The following FLT1 variants were observed in gnomAD, a reference collection of about 807,000 sequenced individuals.
The protein encoded by FLT1 is vascular endothelial growth factor receptor 1.
In FLT1, 49 loss-of-function variants were observed where a neutral mutation model predicts 156.3. The ratio of observed to expected loss-of-function variants is 0.31; its 90% CI spans 0.25 to 0.40. FLT1 has a LOEUF of 0.40. FLT1 is among the 10% of genes least tolerant of loss of function. The pLI, the probability that FLT1 is intolerant of heterozygous loss-of-function variation, is 1.00. For missense variants in FLT1, 1,322 were observed against 1,637.2 expected, an observed-to-expected ratio of 0.81 and a Z score of 3.32; for synonymous variants, 594 against 583.8, an observed-to-expected ratio of 1.02 and a Z score of -0.25.
chr13:28,388,480 A>C, intron 13 of FLT1: 4 of 1,039,598 alleles, frequency 3.8e-6, no homozygotes, highest in Non-Finnish European at 4.6e-6. Context: ...AGTTTATGCA[A>C]GTCACATATA....
rs2137449307 is a variant in FLT1 at position 28,384,885 on chromosome 13, C to T, written c.2116G>A (p.Gly706Arg). 1 of 1,613,972 alleles carries T rather than the reference C, an allele frequency of 6.2e-7. No individual in the cohort carries two copies. Among genetic ancestry groups the T allele is most frequent in the Non-Finnish European group, 8.5e-7 (1 of 1,179,904 alleles). The change falls in exon 14 of 30, where the codon GGA becomes AGA. Residue 706 changes from glycine to arginine, a missense_variant and splice_region_variant. Coordinates refer to ENST00000282397, the MANE Select transcript of FLT1 (RefSeq NM_002019.4). The stretch of plus-strand genomic sequence containing the variant: ...AATGGAAGAAAAAAAAGTCTCTTAC[C>T]AGGCTCTTGTTGTATTTTGTGGTTG... ...KNNHKIQQEP[G>R]IILGPGSSTL...
At chr13:28,431,443 C>T in intron 6 of FLT1, 133 bp from the exon 7 acceptor site, 2 of 698,480 alleles carry the variant, frequency 2.9e-6, no homozygotes, top group South Asian at 3.3e-5. Context: ...GTCAAATCCA[C>T]CTAGAGCGTA....
chr13:28,372,566 GTATATATATATATATATA>G lies in FLT1; in HGVS notation c.2116+12301_2116+12318del, dbSNP rs57608920. Among the ~76,000 whole-genome samples the G allele has an allele frequency of 1.7e-3, 158 of 91,458 alleles. 5 individuals are homozygous for G. In the South Asian group the frequency reaches 0.045, roughly 26 times the overall value. The allele number at this position is 91,458 out of a possible 152,430, so 60.0% of individuals were successfully genotyped here. On this transcript the variant is annotated intron_variant, in intron 14 of 29. Coordinates refer to ENST00000282397, the MANE Select transcript of FLT1 (RefSeq NM_002019.4). Reference sequence around the variant, plus strand: ...CATATATTCCTCGTTTAAATAAAATGTATATATATATATATATATATATATATATATATATAGCTGGGT... The same window carrying G: ...CATATATTCCTCGTTTAAATAAAATGTATATATATATATATATAGCTGGGT...
intron 15 of FLT1, among the ~76,000 whole-genome samples, chr13:28,351,298 T>C (rs1324057): frequency 0.59 from 89,211 of 151,978 alleles, 28,377 homozygotes; most frequent in Non-Finnish European, 0.71. Flanking sequence ...TGTTAGGACC[T>C]CAAGAGAAGG....
chr13:28,337,071 T>C (rs1872146353), intron 17 of FLT1, among the ~76,000 whole-genome samples: 2 of 152,036 alleles, frequency 1.3e-5, no homozygotes, highest in Non-Finnish European at 2.9e-5. Flanking sequence ...ATAATAAATA[T>C]ATAGGAGCTG....
At chr13:28,444,933 C>G (rs1878527080) in intron 3 of FLT1, among the ~76,000 whole-genome samples, 1 of 152,028 alleles carries the variant, frequency 6.6e-6, no homozygotes, top group South Asian at 2.1e-4. Flanking sequence ...AGAAACATCT[C>G]AAATCAATAA....
At chr13:28,311,271 C>A (rs9582036) in intron 27 of FLT1, among the ~76,000 whole-genome samples, 91,745 of 152,138 alleles carry the variant, frequency 0.6, 31,563 homozygotes, top group South Asian at 0.85. Context: ...TAGCCTTCTT[C>A]CAAAATGTAT....
At chr13:28,448,803 T>C (rs1467444823) in intron 3 of FLT1, among the ~76,000 whole-genome samples, 3 of 152,202 alleles carry the variant, frequency 2.0e-5, no homozygotes. Flanking sequence ...GTCTCTTTCT[T>C]AGAAATGATG....
At chr13:28,471,083 A>G (rs780019922) in intron 1 of FLT1, among the ~76,000 whole-genome samples, 5 of 152,182 alleles carry the variant, frequency 3.3e-5, no homozygotes, top group African/African-American at 4.8e-5. Flanking sequence ...AGAAGACAAC[A>G]TAACTGAGTG....
rs11618105 is a variant in FLT1 at position 28,386,355 on chromosome 13, A to C, written c.1970-1324T>G. On this transcript the variant is annotated intron_variant, in intron 13 of 29. Coordinates refer to ENST00000282397, the MANE Select transcript of FLT1 (RefSeq NM_002019.4). Reference sequence around the variant, plus strand: ...AATTTTATAACATTGTTGAAGTAGTATATCATGGCAGGGTTACTATCTGTT... The same window carrying C: ...AATTTTATAACATTGTTGAAGTAGTCTATCATGGCAGGGTTACTATCTGTT... 2.6e-3 allele frequency: 2,626 copies of C among 1,003,878 alleles called. 20 individuals carry two copies. The highest frequency in any genetic ancestry group is 2.2e-3 in the Non-Finnish European group (1,829 of 829,478). The allele number at this position is 1,003,878 out of a possible 1,614,324, so 62.2% of individuals were successfully genotyped here.
intron 4 of FLT1, among the ~76,000 whole-genome samples, chr13:28,436,065 G>T (rs1878005968): frequency 6.6e-6 from 1 of 152,210 alleles, no homozygotes; most frequent in Admixed American, 6.5e-5. Flanking sequence ...CCTCCGAAGT[G>T]TTTCTCTTAC....
In FLT1 at chr13:28,357,664, C is replaced by T. The variant is rs1233164771; in HGVS notation, c.2138G>A (p.Ser713Asn). The T allele has an allele frequency of 9.3e-6, 15 of 1,613,732 alleles. No homozygotes were observed. Among genetic ancestry groups the T allele is most frequent in the Non-Finnish European group, 1.3e-5 (15 of 1,179,796 alleles). The change falls in exon 15 of 30, where the codon AGC (serine) becomes AAC (asparagine). Residue 713 changes from serine to asparagine, a missense_variant. Coordinates refer to ENST00000282397, the MANE Select transcript of FLT1 (RefSeq NM_002019.4). ...GACTCTTTCAATAAACAGCGTGCTG[C>T]TTCCTGGTCCTAAAATAATTCCTGA... ...QEPGIILGPG[S>N]STLFIERVTE...
chr13:28,309,576 A>C (rs1174703367), intron 27 of FLT1, among the ~76,000 whole-genome samples: 1 of 152,178 alleles, frequency 6.6e-6, no homozygotes, highest in Non-Finnish European at 1.5e-5. Flanking sequence ...ACTCTCTGCC[A>C]GTCCCAGTGT....
At chr13:28,467,450 T>C (rs892387986) in intron 2 of FLT1, 71 bp downstream of exon 2, 4 of 1,042,426 alleles carry the variant, frequency 3.8e-6, no homozygotes, top group Non-Finnish European at 5.9e-6. Flanking sequence ...CCTACCTTTT[T>C]ACTCTGCCAG....
intron 11 of FLT1, among the ~76,000 whole-genome samples, chr13:28,399,927 C>G (rs1396860295): frequency 1.3e-5 from 2 of 152,202 alleles, no homozygotes; most frequent in South Asian, 2.1e-4. Flanking sequence ...CTCATTTAAT[C>G]CTCCCCAAAA....
intron 15 of FLT1, among the ~76,000 whole-genome samples, chr13:28,356,799 T>G (rs921081577): frequency 1.3e-5 from 2 of 152,216 alleles, no homozygotes; most frequent in Non-Finnish European, 2.9e-5. Flanking sequence ...GCCATAGATA[T>G]TTACATCTAA....
At chr13:28,485,825 A>G (rs1240447064) in intron 1 of FLT1, among the ~76,000 whole-genome samples, 4 of 152,198 alleles carry the variant, frequency 2.6e-5, no homozygotes, top group South Asian at 4.1e-4. Context: ...AGCCCCGGCC[A>G]GGCTACTGAA....
At chr13:28,381,595 CTT>C (rs1413408424) in intron 14 of FLT1, among the ~76,000 whole-genome samples, 3 of 152,028 alleles carry the variant, frequency 2.0e-5, no homozygotes, top group African/African-American at 7.3e-5. Flanking sequence ...AACAAAAAAA[CTT>C]AGTACAGTTT....
chr13:28,472,018 G>T (rs552638445), intron 1 of FLT1, among the ~76,000 whole-genome samples: 30 of 152,306 alleles, frequency 2.0e-4, no homozygotes, highest in African/African-American at 7.2e-4. Context: ...TGTGAACGTG[G>T]ACTTATTTGA....
Sources: gnomAD v4.1 joint callset for allele counts (sites outside exome capture counted in the v4.1 genomes callset) on GRCh38, gnomAD v4.1.1 for gene constraint, MANE v1.5 for transcripts, NCBI Gene and HGNC (gene_info 2026-07-23, HGNC 2026-07-21) for gene names.